The following GFRA1 variants were observed in gnomAD, a reference collection of about 807,000 sequenced individuals.
GFRA1 encodes the protein GDNF family receptor alpha 1.
A neutral mutation model predicts 51.6 loss-of-function variants in GFRA1; 16 were observed. The ratio of observed to expected loss-of-function variants is 0.31; its 90% CI spans 0.21 to 0.47. The LOEUF is 0.47. Among genes scored for constraint, GFRA1 ranks in the 20% least tolerant of loss-of-function variants. The pLI is 1.00. For missense variants in GFRA1, 530 were observed against 594.3 expected, an observed-to-expected ratio of 0.89 and a Z score of 1.13; for synonymous variants, 270 against 241.3, an observed-to-expected ratio of 1.12 and a Z score of -1.10.
chr10:116,105,605 T>C (rs1207747713), intron 6 of GFRA1, among the ~76,000 whole-genome samples: 1 of 152,012 alleles, frequency 6.6e-6, no homozygotes, highest in Non-Finnish European at 1.5e-5. Flanking sequence ...TGGCAGAATA[T>C]AAAAATTAGT....
intron 5 of GFRA1, among the ~76,000 whole-genome samples, chr10:116,156,821 T>C (rs1959213423): frequency 6.6e-6 from 1 of 152,226 alleles, no homozygotes; most frequent in Admixed American, 6.5e-5. Context: ...TGTTTCTCTT[T>C]TGTTCTTTAA....
intron 4 of GFRA1, among the ~76,000 whole-genome samples, chr10:116,212,673 C>G (rs577590513): frequency 2.0e-5 from 3 of 152,206 alleles, no homozygotes; most frequent in Non-Finnish European, 4.4e-5. Flanking sequence ...CAACATGAAT[C>G]CTTTTCTTGG....
At chr10:116,092,946 G>T (rs1189295347) in intron 8 of GFRA1, among the ~76,000 whole-genome samples, 2 of 152,152 alleles carry the variant, frequency 1.3e-5, no homozygotes, top group African/African-American at 4.8e-5. Context: ...TCCTGGCACC[G>T]TGCTTTTGGA....
At chr10:116,117,886 T>C (rs1957492367) in intron 6 of GFRA1, among the ~76,000 whole-genome samples, 1 of 152,136 alleles carries the variant, frequency 6.6e-6, no homozygotes, top group South Asian at 2.1e-4. Context: ...ATCTCCCTTT[T>C]CTTCCTAAGA....
intron 5 of GFRA1, among the ~76,000 whole-genome samples, chr10:116,190,539 C>A (rs1329166316): frequency 6.6e-6 from 1 of 152,166 alleles, no homozygotes; most frequent in Non-Finnish European, 1.5e-5. Context: ...CTGAAGAATG[C>A]TGCCAGGATC....
intron 9 of GFRA1, among the ~76,000 whole-genome samples, chr10:116,075,313 C>T (rs1955569926): frequency 6.6e-6 from 1 of 152,160 alleles, no homozygotes; most frequent in Admixed American, 6.5e-5. Context: ...CTCAAGTTCA[C>T]TTCTCAGATG....
chr10:116,100,194 C>T (rs555973971), intron 6 of GFRA1, among the ~76,000 whole-genome samples: 2 of 152,330 alleles, frequency 1.3e-5, no homozygotes, highest in Admixed American at 1.3e-4. Flanking sequence ...TAATCACACT[C>T]ACAGTAAGAC....
At chr10:116,241,126 A>G (rs1398402462) in intron 4 of GFRA1, among the ~76,000 whole-genome samples, 1 of 98,686 alleles carries the variant, frequency 1.0e-5, no homozygotes, top group African/African-American at 3.2e-5. Flanking sequence ...AGAATTTCGT[A>G]ATACATTAGA....
intron 5 of GFRA1, among the ~76,000 whole-genome samples, chr10:116,205,682 T>C (rs1964694003): frequency 6.6e-6 from 1 of 151,428 alleles, no homozygotes; most frequent in Non-Finnish European, 1.5e-5. Flanking sequence ...CAAAAAAATC[T>C]AAAAGTTTCC....
intron 6 of GFRA1, among the ~76,000 whole-genome samples, chr10:116,124,853 C>T (rs760237419): frequency 2.6e-5 from 4 of 152,164 alleles, no homozygotes; most frequent in South Asian, 2.1e-4. Flanking sequence ...CAGCTCCTCT[C>T]GACTTAATCA....
At chr10:116,211,519 A>C in intron 5 of GFRA1, 112 bp downstream of exon 5, 2 of 1,001,250 alleles carry the variant, frequency 2.0e-6, no homozygotes, top group Admixed American at 2.1e-5. Flanking sequence ...GAGGGCCTAA[A>C]TGACATGTCC....
chr10:116,205,269 T>C (rs1964641180), intron 5 of GFRA1, among the ~76,000 whole-genome samples: 1 of 152,036 alleles, frequency 6.6e-6, no homozygotes, highest in African/African-American at 2.4e-5. Context: ...CTAGCATTAT[T>C]ATTATCCCAA....
rs1956450474 is a variant in GFRA1 at position 116,093,687 on chromosome 10, T to C, written c.1015+15A>G. The C allele has an allele frequency of 1.2e-6, 2 of 1,612,792 alleles. No homozygotes were observed. The highest frequency in any genetic ancestry group is 1.7e-6 in the Non-Finnish European group (2 of 1,178,818). ...ATGCGTTTGCTCCTTTGTTTCTTAT[T>C]TTTTACAAACTCACTAAGACATGTA... On this transcript the variant is annotated intron_variant, in intron 8 of 10. Coordinates refer to ENST00000355422, the MANE Select transcript of GFRA1 (RefSeq NM_005264.8).
At chr10:116,104,018 C>T (rs1390197246) in intron 6 of GFRA1, among the ~76,000 whole-genome samples, 2 of 152,136 alleles carry the variant, frequency 1.3e-5, no homozygotes, top group Non-Finnish European at 2.9e-5. Context: ...TCTCTCCCCA[C>T]CTAGGACTGA....
At chr10:116,118,117 C>T (rs1427979751) in intron 6 of GFRA1, among the ~76,000 whole-genome samples, 1 of 152,168 alleles carries the variant, frequency 6.6e-6, no homozygotes, top group Non-Finnish European at 1.5e-5. Flanking sequence ...TATATCCCAG[C>T]CCCTTCTCTG....
chr10:116,165,747 G>A (rs867912173), intron 5 of GFRA1, among the ~76,000 whole-genome samples: 24 of 151,848 alleles, frequency 1.6e-4, no homozygotes, highest in Non-Finnish European at 2.8e-4. Flanking sequence ...AGAGAGAGGG[G>A]CTTGAAGGGA....
intron 5 of GFRA1, among the ~76,000 whole-genome samples, chr10:116,162,333 G>A (rs1394096930): frequency 1.3e-5 from 2 of 152,228 alleles, no homozygotes; most frequent in African/African-American, 2.4e-5. Context: ...GCATTAACTA[G>A]TCTCAGAGTC....
At chr10:116,085,613 C>T (rs1956068192) in intron 9 of GFRA1, among the ~76,000 whole-genome samples, 2 of 152,164 alleles carry the variant, frequency 1.3e-5, no homozygotes, top group South Asian at 2.1e-4. Context: ...GGGAGCCCTC[C>T]GCCCAGGCAA....
At chr10:116,120,521 G>A (rs1411673814) in intron 6 of GFRA1, among the ~76,000 whole-genome samples, 1 of 152,130 alleles carries the variant, frequency 6.6e-6, no homozygotes, top group Non-Finnish European at 1.5e-5. Context: ...GGAGTTAGAG[G>A]CTACAGAGAG....
Sources: gnomAD v4.1 joint callset for allele counts (sites outside exome capture counted in the v4.1 genomes callset) on GRCh38, gnomAD v4.1.1 for gene constraint, MANE v1.5 for transcripts, NCBI Gene and HGNC (gene_info 2026-07-23, HGNC 2026-07-21) for gene names.